Variants in KHDRBS2 observed in about 807,000 individuals in gnomAD.
KHDRBS2 encodes KH RNA binding domain containing, signal transduction associated 2.
A neutral mutation model predicts 44.3 loss-of-function variants in KHDRBS2; 26 were observed. That is an observed-to-expected ratio of 0.59 (90% CI 0.43 to 0.81). The LOEUF (loss-of-function observed/expected upper bound fraction) is 0.81. Ranked by LOEUF, KHDRBS2 falls within the 40% of genes least tolerant of loss-of-function variation. KHDRBS2 has a pLI of 0.00. For synonymous variants in KHDRBS2, 194 were observed against 151.1 expected (o/e 1.28, Z -2.08); for missense variants, 476 against 433.1 (o/e 1.10, Z -0.88).
chr6:62,063,884 T>C (rs988802288), intron 2 of KHDRBS2, among the ~76,000 whole-genome samples: 1 of 136,734 alleles, frequency 7.3e-6, no homozygotes, highest in African/African-American at 2.7e-5. Context: ...GAAAACCCCA[T>C]TGTCTCAGCC....
intron 1 of KHDRBS2, among the ~76,000 whole-genome samples, chr6:62,254,368 C>A (rs547735702): frequency 6.6e-6 from 1 of 151,844 alleles, no homozygotes; most frequent in African/African-American, 2.4e-5. Flanking sequence ...AGGAGACAGG[C>A]GATAAGATAT....
intron 2 of KHDRBS2, among the ~76,000 whole-genome samples, chr6:62,156,967 G>A (rs1398937427): frequency 6.6e-6 from 1 of 151,038 alleles, no homozygotes; most frequent in Non-Finnish European, 1.5e-5. Flanking sequence ...TTACAGGCGT[G>A]AGCCACTGCG....
chr6:61,864,160 A>T (rs1370413140), intron 6 of KHDRBS2, among the ~76,000 whole-genome samples: 1 of 151,688 alleles, frequency 6.6e-6, no homozygotes, highest in African/African-American at 2.4e-5. Context: ...TTTTGAGACT[A>T]TGTGTTTCTT....
intron 2 of KHDRBS2, among the ~76,000 whole-genome samples, chr6:62,153,812 C>G (rs992392254): frequency 6.6e-6 from 1 of 152,150 alleles, no homozygotes; most frequent in Admixed American, 6.5e-5. Context: ...AAGGGAGATT[C>G]TTTGGCTCCC....
intron 6 of KHDRBS2, among the ~76,000 whole-genome samples, chr6:61,848,592 T>C (rs1192596064): frequency 1.6e-4 from 20 of 122,220 alleles, no homozygotes; most frequent in African/African-American, 4.0e-4. Flanking sequence ...TATATATATA[T>C]ACTTTTTTTT....
chr6:62,080,807 A>C (rs528780863), intron 2 of KHDRBS2, among the ~76,000 whole-genome samples: 91 of 152,142 alleles, frequency 6.0e-4, no homozygotes, highest in Non-Finnish European at 1.1e-3. Context: ...GGAGAGTAGG[A>C]TAGAGTAACT....
chr6:61,839,411 A>C (rs771650957), intron 6 of KHDRBS2, among the ~76,000 whole-genome samples: 42 of 152,010 alleles, frequency 2.8e-4, no homozygotes, highest in Admixed American at 2.2e-3. Context: ...GGGTGAAAAA[A>C]ACGACTGAGG....
chr6:61,556,311 G>A, the KHDRBS2 span, among the ~76,000 whole-genome samples: 299 of 152,288 alleles, frequency 2.0e-3, 3 homozygotes, highest in African/African-American at 6.7e-3. Context: ...GGGTGGCGGC[G>A]GGGGTGCCAA....
chr6:62,264,707 T>C (rs1287080082), intron 1 of KHDRBS2, among the ~76,000 whole-genome samples: 1 of 151,780 alleles, frequency 6.6e-6, no homozygotes, highest in East Asian at 1.9e-4. Context: ...TACCACATCA[T>C]TCCGACTGCC....
At chr6:61,962,064 T>C (rs1300943996) in intron 4 of KHDRBS2, among the ~76,000 whole-genome samples, 1 of 152,070 alleles carries the variant, frequency 6.6e-6, no homozygotes, top group African/African-American at 2.4e-5. Context: ...CATGAATGAA[T>C]TGATGCTCTA....
intron 2 of KHDRBS2, among the ~76,000 whole-genome samples, chr6:62,066,490 T>A (rs1793756466): frequency 6.6e-6 from 1 of 151,750 alleles, no homozygotes; most frequent in African/African-American, 2.4e-5. Flanking sequence ...ATCAGATTTT[T>A]CATTATTGCA....
chr6:61,934,554 G>T (rs1473618262), intron 4 of KHDRBS2, among the ~76,000 whole-genome samples: 1 of 152,204 alleles, frequency 6.6e-6, no homozygotes, highest in South Asian at 2.1e-4. Flanking sequence ...TTTTCACTAT[G>T]AATTGTACAA....
intron 2 of KHDRBS2, among the ~76,000 whole-genome samples, chr6:62,098,998 T>C (rs1423701758): frequency 1.3e-5 from 2 of 152,232 alleles, no homozygotes; most frequent in Non-Finnish European, 1.5e-5. Context: ...AAAAAATTAT[T>C]TTAAACTCTT....
At chr6:61,969,729 T>C (rs189839286) in intron 4 of KHDRBS2, among the ~76,000 whole-genome samples, 2 of 152,096 alleles carry the variant, frequency 1.3e-5, no homozygotes, top group African/African-American at 4.8e-5. Flanking sequence ...TCAGATGGCA[T>C]TTTCAATCCC....
chr6:62,147,118 T>C (rs1562956412), intron 2 of KHDRBS2, among the ~76,000 whole-genome samples: 1 of 151,984 alleles, frequency 6.6e-6, no homozygotes, highest in African/African-American at 2.4e-5. Flanking sequence ...GTTCAGAAAC[T>C]GCACTTTGAG....
At chr6:62,208,472 A>C (rs540751802) in intron 1 of KHDRBS2, among the ~76,000 whole-genome samples, 15 of 152,226 alleles carry the variant, frequency 9.9e-5, no homozygotes, top group African/African-American at 3.4e-4. Context: ...TTCTTTATCT[A>C]TTTGTGCACT....
chr6:61,548,923 T>G, the KHDRBS2 span, among the ~76,000 whole-genome samples: 1 of 152,068 alleles, frequency 6.6e-6, no homozygotes, highest in East Asian at 1.9e-4. Flanking sequence ...ACACCATAAA[T>G]AGTTACGTCA....
At chr6:62,172,184 C>T (rs1295184147) in intron 2 of KHDRBS2, among the ~76,000 whole-genome samples, 2 of 152,040 alleles carry the variant, frequency 1.3e-5, no homozygotes, top group African/African-American at 4.8e-5. Flanking sequence ...AGAGACCCAT[C>T]TCACATGCAA....
In KHDRBS2 at chr6:62,136,316, C is replaced by A. The variant is rs145754742; in HGVS notation, c.219+40869G>T. On this transcript the variant is annotated intron_variant, in intron 2 of 8. Coordinates refer to ENST00000281156, the MANE Select transcript of KHDRBS2 (RefSeq NM_152688.4). ...AAGGAATCTTGTGTTCTAATGATAA[C>A]ACTTTACATAAGAAAAGTGGAACTA... 2.5e-3 allele frequency among the ~76,000 whole-genome samples: 379 copies of A among 152,272 alleles called. 3 individuals carry two copies. Among genetic ancestry groups the A allele is most frequent in the African/African-American group, 8.2e-3 (342 of 41,560 alleles).
Sources: gnomAD v4.1 joint callset for allele counts (sites outside exome capture counted in the v4.1 genomes callset) on GRCh38, gnomAD v4.1.1 for gene constraint, MANE v1.5 for transcripts, NCBI Gene and HGNC (gene_info 2026-07-23, HGNC 2026-07-21) for gene names.